ACSL1: variants seen among roughly 807,000 people sequenced by gnomAD.
The protein encoded by ACSL1 is long-chain-fatty-acid--CoA ligase 1.
Under a neutral mutation model 98.4 loss-of-function variants are expected in ACSL1, and 41 were observed. The ratio of observed to expected loss-of-function variants is 0.42; its 90% CI spans 0.32 to 0.54. The LOEUF is 0.54. Ranked by LOEUF, ACSL1 falls within the 20% of genes least tolerant of loss-of-function variation. The probability of loss-of-function intolerance (pLI) is 0.13; values close to 1 mark genes in which losing one functional copy is unlikely to be tolerated. For synonymous variants in ACSL1, 316 were observed against 322.7 expected (o/e 0.98, Z 0.22); for missense variants, 734 against 883.1 (o/e 0.83, Z 2.14).
chr4:184,799,736 C>A (rs1394067630), intron 2 of ACSL1, among the ~76,000 whole-genome samples: 1 of 152,110 alleles, frequency 6.6e-6, no homozygotes, highest in Non-Finnish European at 1.5e-5. Flanking sequence ...ATAGTCTTAG[C>A]TACTCTGGAG....
At chr4:184,796,675 T>C (rs1314709317) in intron 2 of ACSL1, among the ~76,000 whole-genome samples, 2 of 152,208 alleles carry the variant, frequency 1.3e-5, no homozygotes, top group African/African-American at 2.4e-5. Context: ...GGATGAAGGA[T>C]AGGGATGTAA....
At chr4:184,780,559 G>A in intron 4 of ACSL1, 126 bp from the exon 5 acceptor site, 4 of 615,900 alleles carry the variant, frequency 6.5e-6, no homozygotes, top group Non-Finnish European at 1.1e-5. Context: ...GAGGGAACAT[G>A]CAGGTATTCC....
In ACSL1 at chr4:184,811,111, T is replaced by G. The variant is rs985110916; in HGVS notation, c.-32-7565A>C. ...CAAGCCACGATGCACAATGCTTTTTTTTTGTTTTGTTTTTTGAGACAGAGT... is the reference window on the plus strand; with the variant it reads ...CAAGCCACGATGCACAATGCTTTTTGTTTGTTTTGTTTTTTGAGACAGAGT... On this transcript the variant is annotated intron_variant, in intron 1 of 20. Transcript: ENST00000281455. Among the ~76,000 whole-genome samples the G allele has an allele frequency of 5.9e-5, 9 of 152,084 alleles. No homozygotes were observed. In the South Asian group the frequency reaches 6.2e-4, roughly 11 times the overall value.
chr4:184,808,242 C>G (rs1340140503), intron 1 of ACSL1: 14 of 410,264 alleles, frequency 3.4e-5, no homozygotes, highest in Non-Finnish European at 4.6e-5. Context: ...CACAAACATA[C>G]ACACACACAC....
At chr4:184,797,057 G>A (rs2150411494) in intron 2 of ACSL1, among the ~76,000 whole-genome samples, 1 of 152,216 alleles carries the variant, frequency 6.6e-6, no homozygotes, top group South Asian at 2.1e-4. Context: ...TGCCCTTCCT[G>A]GACAGCTCCC....
In ACSL1 at chr4:184,757,990, TC is replaced by T; in HGVS notation, c.1783-71del. 6.9e-7 allele frequency: 1 copy of T among 1,452,952 alleles called. No homozygotes were observed. Among genetic ancestry groups the T allele is most frequent in the South Asian group, 1.1e-5 (1 of 87,364 alleles). 90.0% of individuals were successfully genotyped at this position (1,452,952 alleles called of 1,614,324 possible). ...CTCTAAAATAGTGGTTCTTTATTTT[TC>T]CATCTTGTGGCCCCCTGGGAGAATA... On this transcript the variant is annotated intron_variant, in intron 18 of 20. Transcript: ENST00000281455. The surrounding 1 kb of genome is among the most constrained non-coding windows in gnomAD (Gnocchi z 4.5).
At chr4:184,815,184 C>A in intron 1 of ACSL1, 1 of 446,920 alleles carries the variant, frequency 2.2e-6, no homozygotes, top group Non-Finnish European at 4.5e-6. Context: ...GTCCAGAGAG[C>A]TGAGGGTGGA....
Position 184,825,289 on chromosome 4 carries a change from C to T in ACSL1, c.-33+627G>A. ...TTTGCTTCTCAATTTCAAAAAATGC[C>T]AGCACTCCTTAGATCAATGACTCCA... On this transcript the variant is annotated intron_variant, in intron 1 of 20. Transcript: ENST00000281455. This position sits in a 1 kb window ranked among gnomAD's most constrained non-coding sequence, Gnocchi z 4.7. 1.0e-6 allele frequency: 1 copy of T among 979,914 alleles called. No individual in the cohort carries two copies. Among genetic ancestry groups the T allele is most frequent in the Non-Finnish European group, 1.2e-6 (1 of 824,948 alleles). 60.7% of individuals were successfully genotyped at this position (979,914 alleles called of 1,614,324 possible).
chr4:184,803,328 C>T lies in ACSL1; in HGVS notation c.187G>A (p.Glu63Lys). 1 of 1,588,396 alleles carries T rather than the reference C, an allele frequency of 6.3e-7. No homozygotes were observed. The highest frequency in any genetic ancestry group is 1.1e-5 in the South Asian group (1 of 87,924). ...PPCDLSMQSVEVAGSGGARRS... is the reference protein window; with the variant it reads ...PPCDLSMQSVKVAGSGGARRS... ...CTGGGCCCTCCACTCACCGCCACTT[C>T]CACTGACTGCATGGAGAGGTCGCAT... The change falls in exon 2 of 21, where the codon GAA (glutamate) becomes AAA (lysine). Residue 63 changes from glutamate to lysine, a missense_variant. Coordinates refer to ENST00000281455, the MANE Select transcript of ACSL1 (RefSeq NM_001995.5). The surrounding 1 kb of genome is among the most constrained non-coding windows in gnomAD (Gnocchi z 4.8).
intron 4 of ACSL1, among the ~76,000 whole-genome samples, chr4:184,783,019 C>T (rs1453823035): frequency 1.3e-5 from 2 of 152,108 alleles, no homozygotes; most frequent in Non-Finnish European, 2.9e-5. Flanking sequence ...GATTACCTGC[C>T]CCGAGAGCAG....
In ACSL1 at chr4:184,780,447, GA is replaced by G; in HGVS notation, c.376-15del. 1 of 1,602,446 alleles carries G rather than the reference GA, an allele frequency of 6.2e-7. No homozygotes were observed. On this transcript the variant is annotated splice_polypyrimidine_tract_variant and intron_variant, in intron 4 of 20. Transcript: ENST00000281455. ...CAATTCTGCAACCTAAAATGGAGAGGAAAAAGTCAGAAGCAGCATTGGGCCC... is the reference window on the plus strand; with the variant it reads ...CAATTCTGCAACCTAAAATGGAGAGGAAAAGTCAGAAGCAGCATTGGGCCC...
At chr4:184,758,057 C>G (rs189516940) in intron 18 of ACSL1, 137 bp from the exon 19 acceptor site, 23 of 784,682 alleles carry the variant, frequency 2.9e-5, no homozygotes, top group South Asian at 5.3e-5. Context: ...CATACTACCC[C>G]CCTCCCCCAG....
At chr4:184,820,494 T>C (rs1427357015) in intron 1 of ACSL1, among the ~76,000 whole-genome samples, 3 of 152,194 alleles carry the variant, frequency 2.0e-5, no homozygotes, top group Admixed American at 2.0e-4. Context: ...TATAAAGAGA[T>C]AATTCAAGGC....
chr4:184,774,217 C>A (rs374259228), intron 7 of ACSL1, among the ~76,000 whole-genome samples: 1 of 152,064 alleles, frequency 6.6e-6, no homozygotes, highest in East Asian at 1.9e-4. Context: ...TTATTAGGGC[C>A]TTTAATAAAG....
chr4:184,802,836 C>T (rs902175585), intron 2 of ACSL1, among the ~76,000 whole-genome samples: 2 of 152,132 alleles, frequency 1.3e-5, no homozygotes, highest in Admixed American at 6.5e-5. Context: ...CGTGTTCTTC[C>T]GTCAAGTTCT....
chr4:184,798,469 A>G lies in ACSL1; in HGVS notation c.195+4851T>C, dbSNP rs576819793. ...CCCATACCACGGCTCTCATAAGGAGAGGAACTCACATATTCTCTCTGGAGG... is the reference window on the plus strand; with the variant it reads ...CCCATACCACGGCTCTCATAAGGAGGGGAACTCACATATTCTCTCTGGAGG... On this transcript the variant is annotated intron_variant, in intron 2 of 20. Transcript: ENST00000281455. The G allele has an allele frequency of 1.8e-5, 3 of 166,732 alleles. No homozygotes were observed. In the South Asian group the frequency reaches 5.3e-4, roughly 29 times the overall value. The allele number at this position is 166,732 out of a possible 1,614,324, so 10.3% of individuals were successfully genotyped here.
intron 1 of ACSL1, among the ~76,000 whole-genome samples, chr4:184,816,825 T>C (rs1007566059): frequency 6.6e-5 from 10 of 152,066 alleles, no homozygotes; most frequent in African/African-American, 2.4e-4. Context: ...TGCAGGACAG[T>C]AAAACTGACT....
At position 184,766,506 on chromosome 4, in the gene ACSL1, A is replaced by C; in HGVS notation, c.1263+116T>G. 1 of 1,393,842 alleles carries C rather than the reference A, an allele frequency of 7.2e-7. No homozygotes were observed. The highest frequency in any genetic ancestry group is 9.7e-7 in the Non-Finnish European group (1 of 1,029,994). 86.3% of individuals were successfully genotyped at this position (1,393,842 alleles called of 1,614,324 possible). A position where few individuals can be genotyped will look rare whatever the true frequency, so the allele number is the denominator to read the frequency against. On this transcript the variant is annotated intron_variant, in intron 13 of 20. Transcript: ENST00000281455. This position sits in a 1 kb window ranked among gnomAD's most constrained non-coding sequence, Gnocchi z 4.8. ...TTTAAATGTGTGCCAGAATTAACAA[A>C]AACATGTTATTCTCTCCCTTACCTT...
At chr4:184,808,345 G>T in intron 1 of ACSL1, 1 of 985,354 alleles carries the variant, frequency 1.0e-6, no homozygotes, top group Non-Finnish European at 1.2e-6. Context: ...GGGTGGTCTG[G>T]ATGTTTCTCT....
Sources: allele counts gnomAD v4.1 joint callset (sites outside exome capture counted in the v4.1 genomes callset), GRCh38; gene constraint gnomAD v4.1.1; non-coding constraint Gnocchi (gnomAD v3.1); transcripts MANE v1.5; gene names NCBI Gene and HGNC (gene_info 2026-07-23, HGNC 2026-07-21).